CPPED1: variants seen among roughly 807,000 people sequenced by gnomAD.
The protein encoded by CPPED1 is serine/threonine-protein phosphatase CPPED1.
Under a neutral mutation model 28.0 loss-of-function variants are expected in CPPED1, and 28 were observed. That is an observed-to-expected ratio of 1.00 (90% CI 0.74 to 1.37). CPPED1 has a LOEUF of 1.37. Ranked by LOEUF, CPPED1 falls within the 40% of genes most tolerant of loss-of-function variation. The pLI is 0.00. For synonymous variants in CPPED1, 198 were observed against 180.2 expected, an observed-to-expected ratio of 1.10 and a Z score of -0.79; for missense variants, 504 against 416.5, an observed-to-expected ratio of 1.21 and a Z score of -1.83.
chr16:12,680,002 G>A (rs2079896822), intron 3 of CPPED1, among the ~76,000 whole-genome samples: 1 of 152,138 alleles, frequency 6.6e-6, no homozygotes, highest in Non-Finnish European at 1.5e-5. Context: ...TCTTCTGAGA[G>A]TAGCTCCAAG....
intron 3 of CPPED1, among the ~76,000 whole-genome samples, chr16:12,671,129 G>C (rs1464922778): frequency 6.6e-6 from 1 of 152,146 alleles, no homozygotes; most frequent in Admixed American, 6.5e-5. Context: ...GGGATTACAG[G>C]TGTGAGCCAT....
intron 2 of CPPED1, among the ~76,000 whole-genome samples, chr16:12,729,140 G>C (rs1238543502): frequency 7.2e-5 from 11 of 152,080 alleles, no homozygotes; most frequent in Non-Finnish European, 1.5e-4. Flanking sequence ...GGAGAGTCCA[G>C]CATATATCAT....
intron 3 of CPPED1, among the ~76,000 whole-genome samples, chr16:12,665,980 G>A (rs1161047222): frequency 3.3e-5 from 5 of 152,052 alleles, no homozygotes; most frequent in African/African-American, 7.2e-5. Context: ...AGGAGGGCCT[G>A]GTGGCGGGCA....
At chr16:12,777,499 C>T (rs939960796) in intron 2 of CPPED1, among the ~76,000 whole-genome samples, 31 of 152,188 alleles carry the variant, frequency 2.0e-4, no homozygotes, top group Non-Finnish European at 2.9e-4. Flanking sequence ...CACAAATGTT[C>T]ACTTGCTACT....
At chr16:12,788,850 G>C (rs1044742021) in intron 1 of CPPED1, among the ~76,000 whole-genome samples, 6 of 152,222 alleles carry the variant, frequency 3.9e-5, no homozygotes, top group African/African-American at 1.4e-4. Context: ...AAGACCCAGA[G>C]CTTTTCCCTG....
intron 2 of CPPED1, among the ~76,000 whole-genome samples, chr16:12,708,534 A>G (rs975223368): frequency 1.3e-5 from 2 of 152,230 alleles, no homozygotes; most frequent in African/African-American, 4.8e-5. Context: ...CTGTGTGTGC[A>G]TAACAACCAG....
chr16:12,719,144 T>C (rs906234873), intron 2 of CPPED1, among the ~76,000 whole-genome samples: 5 of 151,788 alleles, frequency 3.3e-5, no homozygotes, highest in Admixed American at 1.3e-4. Context: ...AAGAACAGTA[T>C]GGACTGGGAG....
intron 2 of CPPED1, among the ~76,000 whole-genome samples, chr16:12,724,459 A>T (rs766319650): frequency 1.5e-4 from 23 of 152,194 alleles, no homozygotes; most frequent in Non-Finnish European, 2.1e-4. Flanking sequence ...ATTATCGCGC[A>T]GCTGCCAGCA....
At chr16:12,736,044 C>T (rs1446163810) in intron 2 of CPPED1, among the ~76,000 whole-genome samples, 18 of 152,090 alleles carry the variant, frequency 1.2e-4, no homozygotes, top group Admixed American at 1.2e-3. Context: ...GGCCCTGGAG[C>T]CTGACGGAGC....
At chr16:12,729,899 T>C (rs577034198) in intron 2 of CPPED1, among the ~76,000 whole-genome samples, 44 of 152,308 alleles carry the variant, frequency 2.9e-4, no homozygotes, top group African/African-American at 9.6e-4. Flanking sequence ...TCTCACTCTG[T>C]TGCCGAGGCT....
intron 2 of CPPED1, among the ~76,000 whole-genome samples, chr16:12,725,667 G>C (rs1211742822): frequency 6.6e-6 from 1 of 152,172 alleles, no homozygotes; most frequent in Non-Finnish European, 1.5e-5. Context: ...ACCACAGGTA[G>C]AGACGGGGGG....
chr16:12,686,925 T>C (rs577027164), intron 3 of CPPED1, among the ~76,000 whole-genome samples: 1 of 152,272 alleles, frequency 6.6e-6, no homozygotes, highest in East Asian at 1.9e-4. Flanking sequence ...GATCCTTAAA[T>C]ATAAGCATCA....
rs556400170 is a variant in CPPED1 at position 12,682,535 on chromosome 16, T to C, written c.716-17420A>G. Among the ~76,000 whole-genome samples the C allele has an allele frequency of 5.5e-4, 84 of 152,320 alleles. No homozygotes were observed. Among genetic ancestry groups the C allele is most frequent in the African/African-American group, 1.9e-3 (79 of 41,568 alleles). ...GAGACTCAGGCGTGAACCTCAGTTC[T>C]GCTGTTGCTGAGCTGTGTAGGTGTG... On this transcript the variant is annotated intron_variant, in intron 3 of 3. Transcript: ENST00000381774. This position sits in a 1 kb window ranked among gnomAD's most constrained non-coding sequence, Gnocchi z 6.1.
chr16:12,797,512 G>A (rs902379217), intron 1 of CPPED1, among the ~76,000 whole-genome samples: 1 of 152,014 alleles, frequency 6.6e-6, no homozygotes. Context: ...CGGAGATCAT[G>A]CCACTGCACT....
At chr16:12,746,373 CA>C (rs71142518) in intron 2 of CPPED1, among the ~76,000 whole-genome samples, 307 of 105,528 alleles carry the variant, frequency 2.9e-3, no homozygotes, top group African/African-American at 7.6e-3. Flanking sequence ...GACTCTGACT[CA>C]AAAAAAAAAA....
chr16:12,796,899 T>C (rs1034750509), intron 1 of CPPED1, among the ~76,000 whole-genome samples: 1 of 152,144 alleles, frequency 6.6e-6, no homozygotes, highest in Non-Finnish European at 1.5e-5. Context: ...AAATGGGTTA[T>C]CTATACAATG....
chr16:12,766,254 T>TAG (rs764738254), intron 2 of CPPED1, among the ~76,000 whole-genome samples: 73 of 127,990 alleles, frequency 5.7e-4, no homozygotes, highest in South Asian at 1.3e-3. Context: ...TATATATATA[T>TAG]ATAGAGAGAG....
At chr16:12,776,689 G>A (rs1299571865) in intron 2 of CPPED1, among the ~76,000 whole-genome samples, 1 of 152,138 alleles carries the variant, frequency 6.6e-6, no homozygotes, top group Non-Finnish European at 1.5e-5. Flanking sequence ...GGGAGGCTGA[G>A]GCAGGTGGAT....
intron 1 of CPPED1, among the ~76,000 whole-genome samples, chr16:12,792,008 G>C (rs1181508839): frequency 6.6e-6 from 1 of 151,424 alleles, no homozygotes; most frequent in Non-Finnish European, 1.5e-5. Flanking sequence ...CTGAAATGCA[G>C]TGGCACGATC....
Sources: gnomAD v4.1 joint callset for allele counts (sites outside exome capture counted in the v4.1 genomes callset) on GRCh38, gnomAD v4.1.1 for gene constraint, Gnocchi (gnomAD v3.1) non-coding constraint, MANE v1.5 for transcripts, NCBI Gene and HGNC (gene_info 2026-07-23, HGNC 2026-07-21) for gene names.